The following ADAM10 variants were observed in gnomAD, a reference collection of about 807,000 sequenced individuals.
ADAM10 encodes the protein ADAM metallopeptidase domain 10, also known as disintegrin and metalloproteinase domain-containing protein 10.
ADAM10 carries 17 observed loss-of-function variants against 90.1 expected under a neutral mutation model. That is an observed-to-expected ratio of 0.19 (90% confidence interval 0.13 to 0.28). The LOEUF (loss-of-function observed/expected upper bound fraction) is 0.28, where lower values mean the gene tolerates loss of function less well. Among genes scored for constraint, ADAM10 ranks in the 10% least tolerant of loss-of-function variants. ADAM10 has a pLI of 1.00. For missense variants in ADAM10, 610 were observed against 914.3 expected (o/e 0.67, Z 4.29); for synonymous variants, 310 against 298.6 (o/e 1.04, Z -0.40).
chr15:58,611,766 T>G (rs1895444977), intron 12 of ADAM10, 42 bp downstream of exon 12: 1 of 1,591,464 alleles, frequency 6.3e-7, no homozygotes, highest in East Asian at 2.2e-5. Context: ...GAAAAACAAG[T>G]TTTCTAAAAT....
At position 58,649,580 on chromosome 15, in the gene ADAM10, T is replaced by C. The variant is rs78133691; in HGVS notation, c.586-3376A>G. On this transcript the variant is annotated intron_variant, in intron 5 of 15. Transcript: ENST00000260408. ...ATCTATTCTTCTGAGTAGAGCATCC[T>C]AGAGGATGGCAGTTTCTCTGTTTCA... 2.4e-3 allele frequency among the ~76,000 whole-genome samples: 367 copies of C among 152,340 alleles called. 1 individual carries two copies. Among genetic ancestry groups the C allele is most frequent in the Non-Finnish European group, 4.1e-3 (277 of 68,020 alleles).
chr15:58,609,039 G>C (rs1156482168), intron 14 of ADAM10: 1 of 152,056 alleles, frequency 6.6e-6, no homozygotes. Context: ...TGAAAATAAA[G>C]AAGGGCCAAG....
intron 1 of ADAM10, chr15:58,747,324 C>G (rs1899824618): frequency 6.6e-6 from 1 of 152,158 alleles, no homozygotes; most frequent in African/African-American, 2.4e-5. Context: ...AAAAATTTCA[C>G]ACACAACAGT....
chr15:58,709,512 G>A (rs1213147554), intron 2 of ADAM10, among the ~76,000 whole-genome samples: 1 of 152,106 alleles, frequency 6.6e-6, no homozygotes, highest in African/African-American at 2.4e-5. Context: ...GCCAAGGTGG[G>A]CAGATCATCT....
chr15:58,742,213 T>C (rs2140850825), intron 1 of ADAM10, among the ~76,000 whole-genome samples: 1 of 152,326 alleles, frequency 6.6e-6, no homozygotes, highest in East Asian at 1.9e-4. Context: ...ACTGTATACA[T>C]CTCACATTGT....
intron 2 of ADAM10, among the ~76,000 whole-genome samples, chr15:58,683,109 GTATA>G (rs1365664326): frequency 1.3e-5 from 2 of 151,916 alleles, no homozygotes; most frequent in African/African-American, 4.8e-5. Flanking sequence ...ATTTTATAAC[GTATA>G]TAAAGTCATA....
At chr15:58,598,857 C>G (rs1350621761) in intron 15 of ADAM10, among the ~76,000 whole-genome samples, 1 of 152,098 alleles carries the variant, frequency 6.6e-6, no homozygotes, top group African/African-American at 2.4e-5. Flanking sequence ...AGGTGGAGAC[C>G]AGAACTAAAG....
intron 1 of ADAM10, among the ~76,000 whole-genome samples, chr15:58,724,119 G>C (rs1278090434): frequency 1.3e-5 from 2 of 151,672 alleles, no homozygotes; most frequent in African/African-American, 2.4e-5. Flanking sequence ...AGAAGTTACA[G>C]TGAGCCGAAA....
At chr15:58,692,992 T>C in intron 2 of ADAM10, 1 of 779,336 alleles carries the variant, frequency 1.3e-6, no homozygotes, top group Non-Finnish European at 2.3e-6. Flanking sequence ...TTTCAGTTCT[T>C]TACCACCGTC....
At chr15:58,650,686 G>A (rs747990735) in intron 5 of ADAM10, among the ~76,000 whole-genome samples, 71 of 152,140 alleles carry the variant, frequency 4.7e-4, no homozygotes, top group African/African-American at 1.4e-3. Context: ...AATCTTGGCC[G>A]CGTACTACTT....
chr15:58,639,923 T>C (rs1207156345), intron 8 of ADAM10, among the ~76,000 whole-genome samples: 5 of 151,824 alleles, frequency 3.3e-5, no homozygotes, highest in African/African-American at 1.2e-4. Context: ...AAATGAAGTA[T>C]CAGAAGGAGA....
At chr15:58,739,867 T>C (rs1899549506) in intron 1 of ADAM10, among the ~76,000 whole-genome samples, 1 of 152,238 alleles carries the variant, frequency 6.6e-6, no homozygotes, top group Non-Finnish European at 1.5e-5. Context: ...TGAAGGCTGC[T>C]TCACTAATGC....
At chr15:58,690,459 T>C (rs1448007770) in intron 2 of ADAM10, among the ~76,000 whole-genome samples, 2 of 152,230 alleles carry the variant, frequency 1.3e-5, no homozygotes, top group Non-Finnish European at 2.9e-5. Flanking sequence ...TCTTTTGTGT[T>C]GTTTTACTGT....
intron 2 of ADAM10, among the ~76,000 whole-genome samples, chr15:58,714,517 A>G (rs764418044): frequency 6.6e-6 from 1 of 152,110 alleles, no homozygotes; most frequent in South Asian, 2.1e-4. Flanking sequence ...ACTCTACTTG[A>G]TATTTTTTAA....
chr15:58,593,145 T>G lies in ADAM10; in HGVS notation c.*4402A>C, dbSNP rs1452144996. 1 of 121,466 alleles carries G rather than the reference T, an allele frequency of 8.2e-6. No individual in the cohort carries two copies. The highest frequency in any genetic ancestry group is 1.7e-5 in the Non-Finnish European group (1 of 59,276). 7.5% of individuals were successfully genotyped at this position (121,466 alleles called of 1,614,324 possible). On this transcript the variant is annotated 3_prime_UTR_variant, in exon 16 of 16. Coordinates refer to ENST00000260408, the MANE Select transcript of ADAM10 (RefSeq NM_001110.4). ...AAAAAAAGTAACAAAGGCCAGGTAC[T>G]CAAATTTTTTTTTTTTTTTTTTTTT...
At chr15:58,696,569 G>T (rs1231291644) in intron 2 of ADAM10, among the ~76,000 whole-genome samples, 1 of 150,910 alleles carries the variant, frequency 6.6e-6, no homozygotes, top group African/African-American at 2.4e-5. Context: ...AGGTTCAAGT[G>T]ATTCTTCCGC....
At chr15:58,747,763 A>T (rs545493324) in intron 1 of ADAM10, 1 of 152,220 alleles carries the variant, frequency 6.6e-6, no homozygotes, top group Non-Finnish European at 1.5e-5. Flanking sequence ...AAATTTTTGT[A>T]TAAGAGTTTT....
In ADAM10 at chr15:58,606,843, C is replaced by T. The variant is rs1469995349; in HGVS notation, c.2025+3454G>A. On this transcript the variant is annotated intron_variant, in intron 14 of 15. Coordinates refer to ENST00000260408, the MANE Select transcript of ADAM10 (RefSeq NM_001110.4). Reference sequence around the variant, plus strand: ...GCCTACACTTTGAGATCACCGCTCTCGATCAGGAGTTGGCAAATATTTCCC... The same window carrying T: ...GCCTACACTTTGAGATCACCGCTCTTGATCAGGAGTTGGCAAATATTTCCC... 9.2e-5 allele frequency among the ~76,000 whole-genome samples: 14 copies of T among 152,286 alleles called. No homozygotes were observed. In the East Asian group the frequency reaches 2.7e-3, roughly 29 times the overall value.
chr15:58,727,193 TTTTTTTTTTTTTC>T (rs1273337756), intron 1 of ADAM10, among the ~76,000 whole-genome samples: 4 of 125,320 alleles, frequency 3.2e-5, no homozygotes, highest in Non-Finnish European at 4.9e-5. Context: ...TTTTTTTTTT[TTTTTTTTTTTTTC>T]CCAAAAACAG....
Sources: gnomAD v4.1 joint callset for allele counts (sites outside exome capture counted in the v4.1 genomes callset) on GRCh38, gnomAD v4.1.1 for gene constraint, MANE v1.5 for transcripts, NCBI Gene and HGNC (gene_info 2026-07-23, HGNC 2026-07-21) for gene names.